The following ST3GAL1 variants were observed in gnomAD, a reference collection of about 807,000 sequenced individuals.
ST3GAL1 encodes ST3 beta-galactoside alpha-2,3-sialyltransferase 1.
In ST3GAL1, 16 loss-of-function variants were observed where a neutral mutation model predicts 34.1. The ratio of observed to expected loss-of-function variants is 0.47; its 90% CI spans 0.32 to 0.71. ST3GAL1 has a LOEUF of 0.71. ST3GAL1 is among the 30% of genes least tolerant of loss of function. The pLI, the probability that ST3GAL1 is intolerant of heterozygous loss-of-function variation, is 0.04. For missense variants in ST3GAL1, 353 were observed against 447.4 expected (o/e 0.79, Z 1.90); for synonymous variants, 191 against 184.7 (o/e 1.03, Z -0.28).
chr8:133,472,413 C>T (rs1816003456), intron 5 of ST3GAL1, among the ~76,000 whole-genome samples: 1 of 152,154 alleles, frequency 6.6e-6, no homozygotes, highest in South Asian at 2.1e-4. Flanking sequence ...CCAGGTCCCT[C>T]CCACAACACG....
At chr8:133,542,821 TTTC>T (rs1467257534) in intron 2 of ST3GAL1, among the ~76,000 whole-genome samples, 1 of 146,590 alleles carries the variant, frequency 6.8e-6, no homozygotes, top group East Asian at 2.0e-4. Context: ...AGGAAGAAAA[TTTC>T]TTCTTTATAG....
At chr8:133,566,866 C>G (rs1586675945) in intron 1 of ST3GAL1, 1 of 152,290 alleles carries the variant, frequency 6.6e-6, no homozygotes, top group South Asian at 2.1e-4. Flanking sequence ...GCAAGGCAAC[C>G]ATTCCTCTCA....
chr8:133,511,963 G>C (rs1365949464), intron 2 of ST3GAL1, among the ~76,000 whole-genome samples: 2 of 152,190 alleles, frequency 1.3e-5, no homozygotes, highest in Admixed American at 1.3e-4. Flanking sequence ...TGAGGCAGGA[G>C]GATCGCTTGA....
chr8:133,569,038 A>G (rs1036702402), intron 1 of ST3GAL1, among the ~76,000 whole-genome samples: 1 of 152,190 alleles, frequency 6.6e-6, no homozygotes, highest in East Asian at 1.9e-4. Flanking sequence ...CAGAGCTTCG[A>G]GGAACAGACT....
rs377605363 is a variant in ST3GAL1 at position 133,481,125 on chromosome 8, G to A, written c.-373-4525C>T. On this transcript the variant is annotated intron_variant, in intron 3 of 9. Transcript: ENST00000522652. ...TGCTCTTTCTTTCTTTGGTTATTTG[G>A]TTCTGTCCTTGGCAGGCCTGGTTGC... is the stretch of plus-strand genomic sequence containing the variant. 6.5e-4 allele frequency among the ~76,000 whole-genome samples: 99 copies of A among 152,208 alleles called. No homozygotes were observed. In the Middle Eastern group the frequency reaches 0.014, roughly 21 times the overall value.
At position 133,570,873 on chromosome 8, in the gene ST3GAL1, A is replaced by T. The variant is rs1819548799; in HGVS notation, c.-582+820T>A. On this transcript the variant is annotated intron_variant, in intron 1 of 9. Coordinates refer to ENST00000522652, the MANE Select transcript of ST3GAL1 (RefSeq NM_173344.3). The surrounding 1 kb of genome is among the most constrained non-coding windows in gnomAD (Gnocchi z 5.6). ...GGTCACACACACGAGAGACACAGGC[A>T]AGTTGCTAACTTTTGTCAGATTATT... Among the ~76,000 whole-genome samples, 1 of 152,216 alleles carries T rather than the reference A, an allele frequency of 6.6e-6. No homozygotes were observed. Among genetic ancestry groups the T allele is most frequent in the Admixed American group, 6.5e-5 (1 of 15,290 alleles).
At chr8:133,554,199 A>G (rs953808682) in intron 1 of ST3GAL1, among the ~76,000 whole-genome samples, 1 of 152,178 alleles carries the variant, frequency 6.6e-6, no homozygotes, top group Non-Finnish European at 1.5e-5. Context: ...AGCATGAGTC[A>G]AATTCTAGAC....
At chr8:133,569,238 G>A (rs1819492341) in intron 1 of ST3GAL1, among the ~76,000 whole-genome samples, 1 of 152,186 alleles carries the variant, frequency 6.6e-6, no homozygotes, top group Non-Finnish European at 1.5e-5. Flanking sequence ...AAAATGCAGG[G>A]AAAGCAAACT....
At position 133,541,120 on chromosome 8, in the gene ST3GAL1, T is replaced by TATATATATATATATAGAG. The variant is rs71299078; in HGVS notation, c.-429+4653_-429+4654insCTCTATATATATATATAT. Among the ~76,000 whole-genome samples the TATATATATATATATAGAG allele has an allele frequency of 5.8e-4, 28 of 48,642 alleles. 1 individual carries two copies. Among genetic ancestry groups the TATATATATATATATAGAG allele is most frequent in the Admixed American group, 2.0e-3 (9 of 4,582 alleles). The allele number at this position is 48,642 out of a possible 152,430, so 31.9% of individuals were successfully genotyped here. A position where few individuals can be genotyped will look rare whatever the true frequency, so the allele number is the denominator to read the frequency against. ...ACATATATATATATATATATATATA[T>TATATATATATATATAGAG]AGAGAGAGAGAGAGAGAGAGAGAGA... On this transcript the variant is annotated intron_variant, in intron 2 of 9. Coordinates refer to ENST00000522652, the MANE Select transcript of ST3GAL1 (RefSeq NM_173344.3).
chr8:133,543,484 A>C (rs2945776), intron 2 of ST3GAL1, among the ~76,000 whole-genome samples: 1 of 152,222 alleles, frequency 6.6e-6, no homozygotes, highest in African/African-American at 2.4e-5. Context: ...GAAAAAAGAA[A>C]AAATGAACAT....
At chr8:133,537,837 C>A in intron 2 of ST3GAL1, among the ~76,000 whole-genome samples, 1 of 152,190 alleles carries the variant, frequency 6.6e-6, no homozygotes, top group Middle Eastern at 3.2e-3. Flanking sequence ...TTTGAGCACC[C>A]AGGGAGGGCA....
chr8:133,538,291 G>T (rs1437627086), intron 2 of ST3GAL1, among the ~76,000 whole-genome samples: 1 of 152,212 alleles, frequency 6.6e-6, no homozygotes, highest in African/African-American at 2.4e-5. Context: ...AAGGTGGGGG[G>T]ATCACCTGAG....
chr8:133,477,445 A>G (rs1373971636), intron 3 of ST3GAL1, among the ~76,000 whole-genome samples: 1 of 151,688 alleles, frequency 6.6e-6, no homozygotes, highest in African/African-American at 2.4e-5. Flanking sequence ...TGAGACTCAA[A>G]GTGCTTAGAT....
intron 2 of ST3GAL1, among the ~76,000 whole-genome samples, chr8:133,536,567 T>C (rs1818317252): frequency 6.6e-6 from 1 of 152,178 alleles, no homozygotes; most frequent in Admixed American, 6.5e-5. Flanking sequence ...CTGGGAAGAA[T>C]GTCTCTGCTG....
intron 3 of ST3GAL1, among the ~76,000 whole-genome samples, chr8:133,491,529 A>G (rs987079496): frequency 2.6e-5 from 4 of 151,430 alleles, no homozygotes; most frequent in African/African-American, 7.3e-5. Context: ...GCCGAGATTC[A>G]CAGTCTGACA....
At chr8:133,488,182 A>C (rs1439985467) in intron 3 of ST3GAL1, 4 of 152,190 alleles carry the variant, frequency 2.6e-5, no homozygotes, top group Non-Finnish European at 5.9e-5. Context: ...CCAGGAATTC[A>C]AGGCTGCAAT....
intron 1 of ST3GAL1, among the ~76,000 whole-genome samples, chr8:133,559,226 C>T (rs1371521737): frequency 1.3e-5 from 2 of 152,130 alleles, no homozygotes; most frequent in African/African-American, 2.4e-5. Flanking sequence ...TTTTTTATGT[C>T]GTTTCCCTTA....
rs554966203 is a variant in ST3GAL1, at chr8:133,458,310, A to T, written c.*1454T>A. 1 of 152,212 alleles carries T rather than the reference A, an allele frequency of 6.6e-6. No individual in the cohort carries two copies. The highest frequency in any genetic ancestry group is 2.1e-4 in the South Asian group (1 of 4,828). 9.4% of individuals were successfully genotyped at this position (152,212 alleles called of 1,614,324 possible). ...AAACAATGTCAGTTGAATAAAAAAA[A>T]GAAATCAATAAATAATCAGGAAGGC... is the stretch of plus-strand genomic sequence containing the variant. On this transcript the variant is annotated 3_prime_UTR_variant, in exon 10 of 10. Transcript: ENST00000522652.
At chr8:133,478,954 C>T (rs1356395414) in intron 3 of ST3GAL1, among the ~76,000 whole-genome samples, 1 of 152,218 alleles carries the variant, frequency 6.6e-6, no homozygotes, top group Non-Finnish European at 1.5e-5. Context: ...GGCCAACAGT[C>T]CAGAGGGAGA....
Sources: gnomAD v4.1 joint callset for allele counts (sites outside exome capture counted in the v4.1 genomes callset) on GRCh38, gnomAD v4.1.1 for gene constraint, Gnocchi (gnomAD v3.1) non-coding constraint, MANE v1.5 for transcripts, NCBI Gene and HGNC (gene_info 2026-07-23, HGNC 2026-07-21) for gene names.